The following NAALADL2 variants were observed in gnomAD, a reference collection of about 807,000 sequenced individuals.
The protein encoded by NAALADL2 is N-acetylated alpha-linked acidic dipeptidase like 2, also known as inactive N-acetylated-alpha-linked acidic dipeptidase-like protein 2.
A neutral mutation model predicts 87.2 loss-of-function variants in NAALADL2; 76 were observed. The observed-to-expected ratio is 0.87, with a 90% confidence interval of 0.72 to 1.05. The LOEUF is 1.05. Among genes scored for constraint, NAALADL2 ranks in the 50% least tolerant of loss-of-function variants. The pLI is 0.00. For synonymous variants in NAALADL2, 354 were observed against 331.0 expected (o/e 1.07, Z -0.75); for missense variants, 1,089 against 945.8 (o/e 1.15, Z -1.99).
At chr3:175,575,723 C>T (rs980892487) in intron 9 of NAALADL2, among the ~76,000 whole-genome samples, 2 of 152,080 alleles carry the variant, frequency 1.3e-5, no homozygotes, top group Non-Finnish European at 2.9e-5. Flanking sequence ...TTTTAAATAT[C>T]GTCAGAGTCA....
At chr3:174,503,629 T>A (rs2108374397) in intron 1 of NAALADL2, among the ~76,000 whole-genome samples, 1 of 152,286 alleles carries the variant, frequency 6.6e-6, no homozygotes, top group South Asian at 2.1e-4. Flanking sequence ...AGATTTGTGC[T>A]TATTTCACTT....
At chr3:175,015,183 A>G (rs1750652636) in intron 1 of NAALADL2, among the ~76,000 whole-genome samples, 1 of 152,116 alleles carries the variant, frequency 6.6e-6, no homozygotes, top group African/African-American at 2.4e-5. Context: ...AAAACACAGC[A>G]TTTGGTGAAC....
chr3:175,047,833 A>C (rs1212646936), intron 1 of NAALADL2, among the ~76,000 whole-genome samples: 1 of 152,204 alleles, frequency 6.6e-6, no homozygotes, highest in African/African-American at 2.4e-5. Flanking sequence ...TTCACCTTTC[A>C]TATATTCACA....
intron 2 of NAALADL2, among the ~76,000 whole-genome samples, chr3:175,102,227 C>T (rs1314497775): frequency 6.6e-6 from 1 of 152,084 alleles, no homozygotes; most frequent in Non-Finnish European, 1.5e-5. Context: ...TCCAATTGTG[C>T]CTATTTAATT....
At position 175,423,051 on chromosome 3, in the gene NAALADL2, A is replaced by ATATATATTT. The variant is rs1458599872; in HGVS notation, c.1091-24177_1091-24176insATATATTTT. Among the ~76,000 whole-genome samples, 844 of 91,420 alleles carry ATATATATTT rather than the reference A, an allele frequency of 9.2e-3. 3 individuals carry two copies. Among genetic ancestry groups the ATATATATTT allele is most frequent in the Non-Finnish European group, 0.013 (665 of 49,554 alleles). 60.0% of individuals were successfully genotyped at this position (91,420 alleles called of 152,430 possible). On this transcript the variant is annotated intron_variant, in intron 5 of 13. Transcript: ENST00000454872. ...AAAATATATATATATATATATATAT[A>ATATATATTT]TTTTTTTTTTTTCCTGAGTTGTAGA...
chr3:175,518,321 C>T (rs974014595), intron 9 of NAALADL2, among the ~76,000 whole-genome samples: 4 of 152,136 alleles, frequency 2.6e-5, no homozygotes, highest in East Asian at 1.9e-4. Context: ...TTTCAAACAA[C>T]AATTAAACCA....
At chr3:175,009,149 G>C (rs893502627) in intron 1 of NAALADL2, among the ~76,000 whole-genome samples, 10 of 152,194 alleles carry the variant, frequency 6.6e-5, no homozygotes, top group African/African-American at 2.4e-4. Context: ...CCAAATCTCT[G>C]ATTCAGATTG....
chr3:175,318,097 G>A lies in NAALADL2; in HGVS notation c.940-6078G>A, dbSNP rs147248431. The stretch of plus-strand genomic sequence containing the variant: ...TTATATGACTAACAGTCAGGGATTC[G>A]TTAAATAACATGTATGCCTCTCTTT... On this transcript the variant is annotated intron_variant, in intron 4 of 13. Transcript: ENST00000454872. 6.6e-3 allele frequency among the ~76,000 whole-genome samples: 1,005 copies of A among 151,986 alleles called. 11 individuals carry two copies. The highest frequency in any genetic ancestry group is 0.023 in the African/African-American group (943 of 41,488).
At chr3:175,118,472 C>T (rs965304950) in intron 2 of NAALADL2, among the ~76,000 whole-genome samples, 1 of 151,458 alleles carries the variant, frequency 6.6e-6, no homozygotes, top group African/African-American at 2.4e-5. Flanking sequence ...TAAATTATCA[C>T]TTTGTAATCA....
chr3:175,200,788 A>G (rs1739905729), intron 2 of NAALADL2, among the ~76,000 whole-genome samples: 2 of 152,178 alleles, frequency 1.3e-5, no homozygotes, highest in African/African-American at 4.8e-5. Flanking sequence ...TTCTTGACAC[A>G]GTTTATTTCT....
chr3:174,882,715 A>ATAT (rs1491206293), intron 1 of NAALADL2, among the ~76,000 whole-genome samples: 4 of 143,852 alleles, frequency 2.8e-5, no homozygotes, highest in African/African-American at 1.1e-4. Flanking sequence ...GTATCTACAC[A>ATAT]TATATGTGTA....
intron 1 of NAALADL2, among the ~76,000 whole-genome samples, chr3:174,944,192 A>AT (rs1299935520): frequency 6.6e-6 from 1 of 152,150 alleles, no homozygotes; most frequent in Admixed American, 6.5e-5. Context: ...CCAGGGAGGC[A>AT]TGAACATGTT....
intron 1 of NAALADL2, among the ~76,000 whole-genome samples, chr3:174,885,695 C>T (rs1323658260): frequency 1.3e-5 from 2 of 151,482 alleles, no homozygotes; most frequent in Non-Finnish European, 2.9e-5. Context: ...ATATTCTGTT[C>T]CTCTAGAAGC....
intron 5 of NAALADL2, among the ~76,000 whole-genome samples, chr3:175,373,886 T>A (rs1013287362): frequency 6.6e-6 from 1 of 152,198 alleles, no homozygotes; most frequent in African/African-American, 2.4e-5. Context: ...ATAGTTTTAA[T>A]TTTCATTTCT....
chr3:175,010,675 G>C (rs1002418939), intron 1 of NAALADL2, among the ~76,000 whole-genome samples: 5 of 152,108 alleles, frequency 3.3e-5, no homozygotes, highest in African/African-American at 1.2e-4. Flanking sequence ...AAATAGTTTT[G>C]CTGATGAGAT....
At chr3:174,771,076 C>T (rs762540786) in intron 3 of NAALADL2, among the ~76,000 whole-genome samples, 9 of 152,020 alleles carry the variant, frequency 5.9e-5, no homozygotes, top group Non-Finnish European at 1.2e-4. Flanking sequence ...TGAATTTCTT[C>T]GATGTTCAAA....
intron 11 of NAALADL2, among the ~76,000 whole-genome samples, chr3:175,660,349 A>T (rs1732083439): frequency 6.6e-6 from 1 of 152,164 alleles, no homozygotes; most frequent in Admixed American, 6.6e-5. Flanking sequence ...GAAAAAACTC[A>T]CAATGATGCT....
intron 1 of NAALADL2, among the ~76,000 whole-genome samples, chr3:174,537,012 T>G (rs1414979787): frequency 6.6e-6 from 1 of 152,164 alleles, no homozygotes; most frequent in Admixed American, 6.6e-5. Context: ...GTGTCTAAAT[T>G]TATCTTGAAT....
chr3:175,535,587 C>T (rs1484089844), intron 9 of NAALADL2, among the ~76,000 whole-genome samples: 2 of 152,148 alleles, frequency 1.3e-5, no homozygotes, highest in Non-Finnish European at 2.9e-5. Context: ...CAATCCAGTT[C>T]TATTGAGTGT....
Sources: allele counts gnomAD v4.1 joint callset (sites outside exome capture counted in the v4.1 genomes callset), GRCh38; gene constraint gnomAD v4.1.1; transcripts MANE v1.5; gene names NCBI Gene and HGNC (gene_info 2026-07-23, HGNC 2026-07-21).